The following CPNE4 variants were observed in gnomAD, a reference collection of about 807,000 sequenced individuals.
The protein encoded by CPNE4 is copine 4.
CPNE4 carries 25 observed loss-of-function variants against 67.9 expected under a neutral mutation model. The observed-to-expected ratio is 0.37, with a 90% confidence interval of 0.27 to 0.51. The LOEUF is 0.51. CPNE4 is among the 20% of genes least tolerant of loss of function. The pLI is 0.93. For synonymous variants in CPNE4, 242 were observed against 244.9 expected (o/e 0.99, Z 0.11); for missense variants, 464 against 690.8 (o/e 0.67, Z 3.68).
chr3:131,693,195 C>T (rs1158001659), intron 5 of CPNE4, among the ~76,000 whole-genome samples: 1 of 152,124 alleles, frequency 6.6e-6, no homozygotes, highest in Non-Finnish European at 1.5e-5. Flanking sequence ...TGCAAAAGTA[C>T]TTAGTGCTTT....
intron 3 of CPNE4, among the ~76,000 whole-genome samples, chr3:131,704,908 A>C (rs12638911): frequency 0.12 from 18,793 of 152,082 alleles, 1,262 homozygotes; most frequent in African/African-American, 0.16. Flanking sequence ...GGAGATAAAA[A>C]CTTTAAGGAG....
intron 9 of CPNE4, among the ~76,000 whole-genome samples, chr3:131,577,631 C>T (rs56323105): frequency 6.6e-6 from 1 of 152,054 alleles, no homozygotes; most frequent in Non-Finnish European, 1.5e-5. Flanking sequence ...AGAGAAGTTA[C>T]CATGAATGGA....
intron 1 of CPNE4, among the ~76,000 whole-genome samples, chr3:131,950,508 T>C (rs1415447173): frequency 6.6e-6 from 1 of 152,234 alleles, no homozygotes; most frequent in African/African-American, 2.4e-5. Flanking sequence ...AGTTTTGCCT[T>C]GTTCAACCTC....
At chr3:131,561,500 T>G (rs1462380509) in intron 11 of CPNE4, among the ~76,000 whole-genome samples, 2 of 152,000 alleles carry the variant, frequency 1.3e-5, no homozygotes, top group African/African-American at 4.8e-5. Flanking sequence ...GGACAAGCTG[T>G]CTGTGGGAAG....
At chr3:132,011,709 A>C (rs1468395502) in intron 1 of CPNE4, among the ~76,000 whole-genome samples, 2 of 152,252 alleles carry the variant, frequency 1.3e-5, no homozygotes, top group African/African-American at 4.8e-5. Context: ...CACTACTGTA[A>C]TACTGCATGT....
At chr3:131,819,509 C>A (rs972376657) in intron 2 of CPNE4, among the ~76,000 whole-genome samples, 1 of 151,214 alleles carries the variant, frequency 6.6e-6, no homozygotes, top group Non-Finnish European at 1.5e-5. Context: ...CACACACACA[C>A]ACACACACAC....
At chr3:131,592,421 C>A (rs1228855415) in intron 7 of CPNE4, among the ~76,000 whole-genome samples, 1 of 152,068 alleles carries the variant, frequency 6.6e-6, no homozygotes, top group East Asian at 1.9e-4. Flanking sequence ...TAAACCCAGG[C>A]CATTTGTGTT....
chr3:131,651,684 A>T (rs551609071), intron 7 of CPNE4, among the ~76,000 whole-genome samples: 1 of 152,240 alleles, frequency 6.6e-6, no homozygotes, highest in South Asian at 2.1e-4. Flanking sequence ...TTCTTTGTTA[A>T]CCTTGCAATT....
chr3:132,006,179 C>T (rs994909273), intron 1 of CPNE4, among the ~76,000 whole-genome samples: 2 of 152,012 alleles, frequency 1.3e-5, no homozygotes, highest in Admixed American at 6.6e-5. Context: ...AGGAAAGTGG[C>T]CCCTCACTGA....
intron 7 of CPNE4, among the ~76,000 whole-genome samples, chr3:131,655,471 A>G (rs1350186505): frequency 6.6e-6 from 1 of 152,248 alleles, no homozygotes; most frequent in Non-Finnish European, 1.5e-5. Context: ...GAAGAAGGCC[A>G]GCTGGTCTGC....
chr3:132,012,828 C>A (rs1458717988), intron 1 of CPNE4, among the ~76,000 whole-genome samples: 1 of 152,174 alleles, frequency 6.6e-6, no homozygotes, highest in African/African-American at 2.4e-5. Context: ...CATTAATAAA[C>A]CAAGAGTCTG....
chr3:131,571,050 G>C (rs904468016), intron 10 of CPNE4, among the ~76,000 whole-genome samples: 1 of 151,842 alleles, frequency 6.6e-6, no homozygotes, highest in Non-Finnish European at 1.5e-5. Flanking sequence ...TCTAACTCCT[G>C]GGTCTCACCT....
intron 2 of CPNE4, among the ~76,000 whole-genome samples, chr3:131,811,324 T>C (rs944545665): frequency 2.0e-5 from 3 of 152,126 alleles, no homozygotes; most frequent in African/African-American, 7.2e-5. Flanking sequence ...TGGAATTGTA[T>C]ACTTTAAATA....
intron 2 of CPNE4, among the ~76,000 whole-genome samples, chr3:131,870,643 TC>T (rs1583373333): frequency 1.3e-5 from 2 of 152,174 alleles, no homozygotes; most frequent in East Asian, 1.9e-4. Flanking sequence ...TTCCCCTCCT[TC>T]TTTTATAAAC....
chr3:131,690,876 G>A (rs147802355), intron 5 of CPNE4, among the ~76,000 whole-genome samples: 203 of 152,008 alleles, frequency 1.3e-3, no homozygotes, highest in African/African-American at 4.6e-3. Context: ...AAATAAACCC[G>A]TTAAAAATTG....
intron 1 of CPNE4, among the ~76,000 whole-genome samples, chr3:131,996,533 C>T (rs537358479): frequency 4.9e-4 from 74 of 151,492 alleles, no homozygotes; most frequent in African/African-American, 1.7e-3. Flanking sequence ...ACGATAGGAA[C>T]AGAAGAAAAT....
At chr3:131,940,486 A>C (rs2071354725) in intron 1 of CPNE4, among the ~76,000 whole-genome samples, 1 of 152,138 alleles carries the variant, frequency 6.6e-6, no homozygotes, top group African/African-American at 2.4e-5. Flanking sequence ...ATATATTTTA[A>C]AGAAAACTAC....
chr3:131,604,317 T>C (rs1448038638), intron 7 of CPNE4, among the ~76,000 whole-genome samples: 1 of 152,164 alleles, frequency 6.6e-6, no homozygotes, highest in Non-Finnish European at 1.5e-5. Context: ...CTAACCTTAT[T>C]GAAAAACATG....
chr3:131,763,418 G>A (rs1017343901), intron 2 of CPNE4, among the ~76,000 whole-genome samples: 3 of 152,102 alleles, frequency 2.0e-5, no homozygotes, highest in African/African-American at 4.8e-5. Context: ...TTCTGGAGAC[G>A]TCGCAGTGTA....
Sources: allele counts gnomAD v4.1 joint callset (sites outside exome capture counted in the v4.1 genomes callset), GRCh38; gene constraint gnomAD v4.1.1; transcripts MANE v1.5; gene names NCBI Gene and HGNC (gene_info 2026-07-23, HGNC 2026-07-21).